The following MRTFA variants were observed in gnomAD, a reference collection of about 807,000 sequenced individuals.
MRTFA encodes the protein myocardin related transcription factor A.
MRTFA carries 20 observed loss-of-function variants against 83.5 expected under a neutral mutation model. The ratio of observed to expected loss-of-function variants is 0.24; its 90% confidence interval spans 0.17 to 0.35. The LOEUF (loss-of-function observed/expected upper bound fraction) is 0.35. Among genes scored for constraint, MRTFA ranks in the 10% least tolerant of loss-of-function variants. The pLI, the probability that MRTFA is intolerant of heterozygous loss-of-function variation, is 1.00. For missense variants in MRTFA, 1,200 were observed against 1,224.7 expected, an observed-to-expected ratio of 0.98 and a Z score of 0.30; for synonymous variants, 659 against 541.2, an observed-to-expected ratio of 1.22 and a Z score of -3.02.
intron 1 of MRTFA, among the ~76,000 whole-genome samples, chr22:40,597,346 A>C (rs545661045): frequency 3.7e-4 from 56 of 152,334 alleles, no homozygotes; most frequent in Middle Eastern, 3.4e-3. Flanking sequence ...CAAAAAATTA[A>C]AGTGGATTCA....
chr22:40,566,512 G>A (rs2055706239), intron 2 of MRTFA, among the ~76,000 whole-genome samples: 1 of 151,578 alleles, frequency 6.6e-6, no homozygotes, highest in Non-Finnish European at 1.5e-5. Context: ...GAGCCACCAC[G>A]CCTGGCTGAT....
At chr22:40,571,921 CAAAA>C (rs557782525) in intron 2 of MRTFA, among the ~76,000 whole-genome samples, 2 of 18,734 alleles carry the variant, frequency 1.1e-4, no homozygotes, top group Non-Finnish European at 2.1e-4. Context: ...AAGACTCTGT[CAAAA>C]AAAAAAAAAA....
chr22:40,571,476 C>T (rs999446568), intron 2 of MRTFA, among the ~76,000 whole-genome samples: 8 of 151,818 alleles, frequency 5.3e-5, no homozygotes, highest in Admixed American at 5.2e-4. Flanking sequence ...AGGATAATAT[C>T]AAGAGGTGAA....
chr22:40,549,760 T>A (rs959236295), intron 3 of MRTFA, among the ~76,000 whole-genome samples: 1 of 152,052 alleles, frequency 6.6e-6, no homozygotes, highest in African/African-American at 2.4e-5. Flanking sequence ...ATCAAAAAAA[T>A]TAGATTGAGG....
rs35001108 is a variant in MRTFA, at chr22:40,490,598, C to CA, written c.242-27313dup. 2.8e-3 allele frequency among the ~76,000 whole-genome samples: 355 copies of CA among 128,678 alleles called. 2 individuals carry two copies. Among genetic ancestry groups the CA allele is most frequent in the South Asian group, 9.9e-3 (39 of 3,928 alleles). The allele number at this position is 128,678 out of a possible 152,430, so 84.4% of individuals were successfully genotyped here. On this transcript the variant is annotated intron_variant, in intron 3 of 14. Coordinates refer to ENST00000355630, the MANE Select transcript of MRTFA (RefSeq NM_020831.6). Reference sequence around the variant, plus strand: ...TGGGCGACAGAGTGAGATTCCATCTCAAAAAAAAAAAAAAGAAAAGAAAAG... The same window carrying CA: ...TGGGCGACAGAGTGAGATTCCATCTCAAAAAAAAAAAAAAAGAAAAGAAAAG...
intron 3 of MRTFA, among the ~76,000 whole-genome samples, chr22:40,481,655 A>C (rs1000170279): frequency 4.6e-5 from 7 of 152,166 alleles, no homozygotes; most frequent in Non-Finnish European, 1.5e-5. Flanking sequence ...CAGAAACCTA[A>C]ATAATATGAC....
chr22:40,506,249 AAAAT>A (rs1405940759), intron 3 of MRTFA, among the ~76,000 whole-genome samples: 10 of 152,328 alleles, frequency 6.6e-5, no homozygotes, highest in South Asian at 4.1e-4. Context: ...ATCTCAAAAA[AAAAT>A]AAATAAAGTG....
intron 3 of MRTFA, among the ~76,000 whole-genome samples, chr22:40,476,113 C>G (rs1404599613): frequency 6.9e-6 from 1 of 145,478 alleles, no homozygotes; most frequent in East Asian, 2.2e-4. Context: ...CACTGCACTC[C>G]AACCTGGGCG....
At chr22:40,612,658 T>C (rs760296279) in intron 1 of MRTFA, among the ~76,000 whole-genome samples, 1 of 152,110 alleles carries the variant, frequency 6.6e-6, no homozygotes, top group Non-Finnish European at 1.5e-5. Context: ...AAAAAAAACA[T>C]TTCCATAAGC....
intron 4 of MRTFA, chr22:40,440,013 G>A (rs2053244270): frequency 6.4e-6 from 1 of 156,740 alleles, no homozygotes; most frequent in South Asian, 1.5e-4. Context: ...TTAGCTGGGT[G>A]TGGTGGCGGG....
chr22:40,509,980 T>A (rs2054640331), intron 3 of MRTFA, among the ~76,000 whole-genome samples: 1 of 34,996 alleles, frequency 2.9e-5, no homozygotes, highest in East Asian at 5.6e-3. Flanking sequence ...AGCCAAGTAC[T>A]TTAAAAAAAA....
Position 40,423,662 on chromosome 22 carries a change from G to A in MRTFA, c.801C>T (p.Gly267=). 1.3e-6 allele frequency: 2 copies of A among 1,576,418 alleles called. No individual in the cohort carries two copies. The highest frequency in any genetic ancestry group is 1.8e-5 in the Admixed American group (1 of 55,998). The stretch of plus-strand genomic sequence containing the variant: ...GGAAAAGCATTTCTCTGGAATCCCG[G>A]CCCATCGGAAGTTGAGACACAACCT... Residue 267 remains glycine, a synonymous_variant, in exon 9 of 15, where the codon GGC becomes GGT. Coordinates refer to ENST00000355630, the MANE Select transcript of MRTFA (RefSeq NM_020831.6).
intron 3 of MRTFA, among the ~76,000 whole-genome samples, chr22:40,534,533 C>A (rs558100212): frequency 1.1e-4 from 17 of 152,318 alleles, no homozygotes; most frequent in Middle Eastern, 6.8e-3. Flanking sequence ...TGGCTTACTG[C>A]AACCTCGACC....
intron 4 of MRTFA, among the ~76,000 whole-genome samples, chr22:40,450,222 G>A (rs1194955490): frequency 6.6e-6 from 1 of 152,152 alleles, no homozygotes; most frequent in Non-Finnish European, 1.5e-5. Context: ...AACTCTGAGA[G>A]GATGTGGAAG....
chr22:40,495,903 T>C (rs1403435495), intron 3 of MRTFA, among the ~76,000 whole-genome samples: 1 of 150,558 alleles, frequency 6.6e-6, no homozygotes, highest in Non-Finnish European at 1.5e-5. Flanking sequence ...CGGTCTCTAC[T>C]AAAAATATAA....
intron 3 of MRTFA, among the ~76,000 whole-genome samples, chr22:40,475,848 T>C (rs2053985976): frequency 6.6e-6 from 1 of 152,098 alleles, no homozygotes; most frequent in African/African-American, 2.4e-5. Context: ...CTAGGGTACA[T>C]AAAAATGGCG....
chr22:40,460,156 C>T (rs2053685375), intron 4 of MRTFA, among the ~76,000 whole-genome samples: 1 of 152,020 alleles, frequency 6.6e-6, no homozygotes, highest in South Asian at 2.1e-4. Flanking sequence ...AATTCCTGAC[C>T]TCAGGTGATC....
At chr22:40,544,513 C>T (rs901726593) in intron 3 of MRTFA, among the ~76,000 whole-genome samples, 3 of 152,278 alleles carry the variant, frequency 2.0e-5, no homozygotes, top group Non-Finnish European at 2.9e-5. Context: ...AGGCATGAGA[C>T]ACTACACCCA....
chr22:40,449,209 G>C (rs537631012), intron 4 of MRTFA, among the ~76,000 whole-genome samples: 3 of 150,918 alleles, frequency 2.0e-5, no homozygotes, highest in Non-Finnish European at 4.4e-5. Context: ...GGAGCTTGTA[G>C]TGAGCCGAGA....
Sources: allele counts gnomAD v4.1 joint callset (sites outside exome capture counted in the v4.1 genomes callset), GRCh38; gene constraint gnomAD v4.1.1; transcripts MANE v1.5; gene names NCBI Gene and HGNC (gene_info 2026-07-23, HGNC 2026-07-21).